Variants in SMCO4 observed in about 807,000 individuals in gnomAD.
SMCO4 encodes single-pass membrane and coiled-coil domain-containing protein 4.
In SMCO4, 4 loss-of-function variants were observed where a neutral mutation model predicts 3.6. The ratio of observed to expected loss-of-function variants is 1.11; its 90% CI spans 0.54 to 2.53. The LOEUF is 2.53. Among genes scored for constraint, SMCO4 ranks in the 30% most tolerant of loss-of-function variants. The pLI is 0.02. For missense variants in SMCO4, 70 were observed against 80.8 expected, an observed-to-expected ratio of 0.87 and a Z score of 0.51; for synonymous variants, 36 against 35.3, an observed-to-expected ratio of 1.02 and a Z score of -0.07.
At chr11:93,488,313 C>G (rs780184410) in intron 2 of SMCO4, among the ~76,000 whole-genome samples, 3 of 152,164 alleles carry the variant, frequency 2.0e-5, no homozygotes, top group Non-Finnish European at 4.4e-5. Flanking sequence ...ACAGAGGGAG[C>G]AGCAGAGGGC....
intron 1 of SMCO4, chr11:93,523,334 T>TGA (rs1949076249): frequency 6.6e-6 from 1 of 151,552 alleles, no homozygotes; most frequent in African/African-American, 2.4e-5. Flanking sequence ...CAAAAAGACT[T>TGA]ACCCACTAGA....
chr11:93,519,522 G>A (rs984191547), intron 1 of SMCO4, among the ~76,000 whole-genome samples: 9 of 152,202 alleles, frequency 5.9e-5, no homozygotes, highest in African/African-American at 2.2e-4. Context: ...AAACATCAAT[G>A]GCAGACCAGA....
intron 1 of SMCO4, among the ~76,000 whole-genome samples, chr11:93,518,194 A>C (rs1453165904): frequency 6.6e-6 from 1 of 152,234 alleles, no homozygotes; most frequent in Non-Finnish European, 1.5e-5. Flanking sequence ...AAATGGAATC[A>C]TATAATATGT....
At chr11:93,526,140 T>C (rs1949105058) in intron 1 of SMCO4, among the ~76,000 whole-genome samples, 3 of 152,116 alleles carry the variant, frequency 2.0e-5, no homozygotes, top group African/African-American at 7.2e-5. Flanking sequence ...CTACTGTACC[T>C]TGATGTTCTA....
intron 1 of SMCO4, among the ~76,000 whole-genome samples, chr11:93,520,268 G>A (rs1488833225): frequency 6.6e-6 from 1 of 152,162 alleles, no homozygotes; most frequent in African/African-American, 2.4e-5. Flanking sequence ...CTGGGCTCCT[G>A]GAAAGACCTT....
At chr11:93,515,221 A>T (rs1948998137) in intron 1 of SMCO4, among the ~76,000 whole-genome samples, 1 of 152,224 alleles carries the variant, frequency 6.6e-6, no homozygotes, top group Admixed American at 6.5e-5. Context: ...GATTTTAAAA[A>T]GTGGAGCGCG....
At chr11:93,536,820 C>T (rs563467197) in intron 1 of SMCO4, among the ~76,000 whole-genome samples, 2 of 152,246 alleles carry the variant, frequency 1.3e-5, no homozygotes, top group East Asian at 3.9e-4. Context: ...AAAAAACCAC[C>T]ACCACCAAAA....
At chr11:93,549,361 G>A in the SMCO4 span, among the ~76,000 whole-genome samples, 2 of 152,214 alleles carry the variant, frequency 1.3e-5, no homozygotes, top group African/African-American at 4.8e-5. Flanking sequence ...CATAGTTCAG[G>A]TGCTTGATTG....
At chr11:93,516,527 T>C (rs1323610168) in intron 1 of SMCO4, among the ~76,000 whole-genome samples, 1 of 152,208 alleles carries the variant, frequency 6.6e-6, no homozygotes, top group African/African-American at 2.4e-5. Context: ...TGGTGGCTCA[T>C]GCCTGTAATC....
At chr11:93,488,942 T>A (rs1948682647) in intron 2 of SMCO4, among the ~76,000 whole-genome samples, 1 of 152,042 alleles carries the variant, frequency 6.6e-6, no homozygotes. Flanking sequence ...GAAGAAGGTG[T>A]CCTGAGGAAG....
At chr11:93,503,461 G>C (rs1405342311) in intron 1 of SMCO4, among the ~76,000 whole-genome samples, 1 of 152,026 alleles carries the variant, frequency 6.6e-6, no homozygotes, top group East Asian at 1.9e-4. Context: ...ATTTGGGTGG[G>C]GACACAACCA....
chr11:93,541,159 C>T (rs1949267746), intron 1 of SMCO4, among the ~76,000 whole-genome samples: 1 of 152,196 alleles, frequency 6.6e-6, no homozygotes, highest in African/African-American at 2.4e-5. Context: ...TGACCCTGGC[C>T]AAGTCACTTC....
At chr11:93,539,812 G>T (rs1366662169) in intron 1 of SMCO4, among the ~76,000 whole-genome samples, 1 of 152,002 alleles carries the variant, frequency 6.6e-6, no homozygotes, top group Non-Finnish European at 1.5e-5. Flanking sequence ...GCATCTAACA[G>T]AAATTTCCCC....
chr11:93,538,163 T>C (rs1330795560), intron 1 of SMCO4, among the ~76,000 whole-genome samples: 1 of 152,216 alleles, frequency 6.6e-6, no homozygotes, highest in African/African-American at 2.4e-5. Context: ...AATCATCTCC[T>C]TGGGCTCTGA....
chr11:93,487,560 T>C (rs554547432), intron 2 of SMCO4, among the ~76,000 whole-genome samples: 46 of 152,316 alleles, frequency 3.0e-4, no homozygotes, highest in African/African-American at 1.1e-3. Flanking sequence ...CAGCACTGAC[T>C]ACTCCCAAAT....
intron 2 of SMCO4, among the ~76,000 whole-genome samples, chr11:93,491,048 A>T (rs1210224885): frequency 6.6e-6 from 1 of 152,260 alleles, no homozygotes; most frequent in African/African-American, 2.4e-5. Context: ...ATATACCGTC[A>T]TTCCTTAGAT....
At chr11:93,518,208 C>T (rs191990270) in intron 1 of SMCO4, among the ~76,000 whole-genome samples, 23 of 152,234 alleles carry the variant, frequency 1.5e-4, no homozygotes, top group Non-Finnish European at 2.5e-4. Context: ...AATATGTGGC[C>T]TTTGGTGTTT....
At chr11:93,522,901 C>T (rs944163412) in intron 1 of SMCO4, among the ~76,000 whole-genome samples, 1 of 152,168 alleles carries the variant, frequency 6.6e-6, no homozygotes, top group Non-Finnish European at 1.5e-5. Context: ...AATAAGAGGG[C>T]TATCAACTCC....
At chr11:93,517,214 C>T (rs996373739) in intron 1 of SMCO4, among the ~76,000 whole-genome samples, 3 of 152,158 alleles carry the variant, frequency 2.0e-5, no homozygotes, top group African/African-American at 7.2e-5. Flanking sequence ...TCTCACAAAA[C>T]CAGCTCCAGA....
Sources: allele counts gnomAD v4.1 joint callset (sites outside exome capture counted in the v4.1 genomes callset), GRCh38; gene constraint gnomAD v4.1.1; transcripts MANE v1.5; gene names NCBI Gene and HGNC (gene_info 2026-07-23, HGNC 2026-07-21).